The following LTN1 variants were observed in gnomAD, a reference collection of about 807,000 sequenced individuals.
The protein encoded by LTN1 is E3 ubiquitin-protein ligase listerin.
LTN1 carries 88 observed loss-of-function variants against 201.2 expected under a neutral mutation model. The observed-to-expected ratio is 0.44, with a 90% CI of 0.37 to 0.52. LTN1 has a LOEUF of 0.52. Among genes scored for constraint, LTN1 ranks in the 20% least tolerant of loss-of-function variants. The pLI is 0.00. For missense variants in LTN1, 1,752 were observed against 2,038.7 expected, an observed-to-expected ratio of 0.86 and a Z score of 2.71; for synonymous variants, 645 against 713.5, an observed-to-expected ratio of 0.90 and a Z score of 1.53.
Position 28,970,715 on chromosome 21 carries a change from T to G in LTN1, c.1012A>C (p.Lys338Gln). 1 of 1,613,888 alleles carries G rather than the reference T, an allele frequency of 6.2e-7. No individual in the cohort carries two copies. The highest frequency in any genetic ancestry group is 8.5e-7 in the Non-Finnish European group (1 of 1,179,898). Residue 338 changes from lysine (K) to glutamine (Q), a missense_variant, in exon 8 of 30, where the codon AAG becomes CAG. This residue lies in a region of LTN1 where 1,211 missense variants were observed against 1,312.8 expected (regional missense o/e 0.92). Coordinates refer to ENST00000361371, the MANE Select transcript of LTN1 (RefSeq NM_015565.3). The stretch of plus-strand genomic sequence containing the variant: ...GTTGATAGCTTGGGAAACACACTCT[T>G]TTTTGCATTTACATGAAGCCAACAG... ...EDCWLHVNAK[K>Q]SVFPKLSTVI... is the part of the protein sequence containing the mutation.
Position 28,986,022 on chromosome 21 carries a change from T to C in LTN1, c.345+117A>G, listed in dbSNP as rs2084695722. The C allele has an allele frequency of 3.1e-6, 2 of 644,126 alleles. No homozygotes were observed. The highest frequency in any genetic ancestry group is 1.8e-5 in the South Asian group (1 of 55,350). The allele number at this position is 644,126 out of a possible 1,614,324, so 39.9% of individuals were successfully genotyped here. A position where few individuals can be genotyped will look rare whatever the true frequency, so the allele number is the denominator to read the frequency against. ...GTTAACAATTCAATCTGCATAACAA[T>C]GCTGACATAACATTTAATAACCCTC... On this transcript the variant is annotated intron_variant, in intron 3 of 29. Coordinates refer to ENST00000361371, the MANE Select transcript of LTN1 (RefSeq NM_015565.3). The surrounding 1 kb of genome is among the most constrained non-coding windows in gnomAD (Gnocchi z 4.1).
At chr21:28,973,561 C>T (rs1311410698) in intron 6 of LTN1, among the ~76,000 whole-genome samples, 1 of 151,860 alleles carries the variant, frequency 6.6e-6, no homozygotes, top group African/African-American at 2.4e-5. Context: ...AAAGACATGA[C>T]ATTTATAAAG....
chr21:28,964,650 T>C, intron 11 of LTN1: 1 of 1,550,444 alleles, frequency 6.4e-7, no homozygotes, highest in Non-Finnish European at 8.7e-7. Flanking sequence ...ATGAGGAGGC[T>C]AGTGAGTCAT....
chr21:28,977,868 C>A (rs1041449442), intron 6 of LTN1, among the ~76,000 whole-genome samples: 1 of 151,500 alleles, frequency 6.6e-6, no homozygotes, highest in South Asian at 2.1e-4. Flanking sequence ...GTAGAGGTTG[C>A]AGTGAGCTGA....
At chr21:28,976,170 T>C (rs1056200072) in intron 6 of LTN1, among the ~76,000 whole-genome samples, 5 of 152,082 alleles carry the variant, frequency 3.3e-5, no homozygotes, top group Admixed American at 6.6e-5. Context: ...TAAGTATATA[T>C]ACATGTAGAC....
chr21:28,957,142 C>T (rs1601185318), intron 15 of LTN1, among the ~76,000 whole-genome samples, 190 bp downstream of exon 15: 1 of 152,140 alleles, frequency 6.6e-6, no homozygotes, highest in Admixed American at 6.5e-5. Context: ...AGTCTTTGTA[C>T]CATGCCCACT....
intron 6 of LTN1, among the ~76,000 whole-genome samples, chr21:28,972,465 A>G (rs1281262391): frequency 2.0e-5 from 3 of 148,514 alleles, no homozygotes; most frequent in Non-Finnish European, 3.0e-5. Flanking sequence ...CGGGTTCCTC[A>G]TCTACAGTTG....
At chr21:28,984,653 A>T (rs779616328) in intron 4 of LTN1, 39 bp downstream of exon 4, 9 of 537,322 alleles carry the variant, frequency 1.7e-5, no homozygotes, top group South Asian at 3.9e-5. Context: ...TTAAATACTT[A>T]AAAAAAAAAA....
intron 1 of LTN1, among the ~76,000 whole-genome samples, 186 bp from the exon 2 acceptor site, chr21:28,987,120 A>C (rs1209598890): frequency 1.3e-5 from 2 of 152,224 alleles, no homozygotes; most frequent in South Asian, 2.1e-4. Context: ...GAATCCATCA[A>C]TACTGATCCT....
At chr21:28,962,013 CA>C (rs140640474) in intron 11 of LTN1, among the ~76,000 whole-genome samples, 5 of 145,682 alleles carry the variant, frequency 3.4e-5, no homozygotes, top group Non-Finnish European at 6.1e-5. Flanking sequence ...GCCTCTGTCT[CA>C]AAAAAAAAAG....
chr21:28,968,916 T>G (rs983895290), intron 9 of LTN1, among the ~76,000 whole-genome samples: 3 of 145,872 alleles, frequency 2.1e-5, no homozygotes, highest in Non-Finnish European at 4.5e-5. Context: ...CTGCACTACA[T>G]CTTTCTAAAA....
chr21:28,972,684 T>C (rs548786683), intron 6 of LTN1, among the ~76,000 whole-genome samples: 1 of 152,222 alleles, frequency 6.6e-6, no homozygotes, highest in East Asian at 1.9e-4. Context: ...ACATAGGGGA[T>C]AAAGTGAGGC....
At position 28,946,193 on chromosome 21, in the gene LTN1, T is replaced by A; in HGVS notation, c.3582A>T (p.Ile1194=). The A allele has an allele frequency of 6.3e-7, 1 of 1,588,758 alleles. No homozygotes were observed. Among genetic ancestry groups the A allele is most frequent in the Middle Eastern group, 1.7e-4 (1 of 5,986 alleles). Residue 1194 remains isoleucine (I), a synonymous_variant, in exon 20 of 30, where the codon ATA becomes ATT. Coordinates refer to ENST00000361371, the MANE Select transcript of LTN1 (RefSeq NM_015565.3). ...TATCTTCATGCTCTTTCTTCCAGGATATTATGATTTTTAATATTCCATGTA... is the reference window on the plus strand; with the variant it reads ...TATCTTCATGCTCTTTCTTCCAGGAAATTATGATTTTTAATATTCCATGTA... The part of the protein sequence containing the change: ...ELLHGILKII[I]SWKKEHEDIF...
At position 28,928,435 on chromosome 21, in the gene LTN1, A is replaced by G. The variant is rs1460495913; in HGVS notation, c.*2013T>C. ...TCAAAAATAAATTTTAAAATTTGCA[A>G]TTTACTTTGGGGTTTTAAATTAATA... On this transcript the variant is annotated 3_prime_UTR_variant, in exon 30 of 30. Coordinates refer to ENST00000361371, the MANE Select transcript of LTN1 (RefSeq NM_015565.3). 1.3e-5 allele frequency: 2 copies of G among 152,332 alleles called. No individual in the cohort carries two copies. Among genetic ancestry groups the G allele is most frequent in the Admixed American group, 6.5e-5 (1 of 15,294 alleles). 9.4% of individuals were successfully genotyped at this position (152,332 alleles called of 1,614,324 possible).
chr21:28,977,615 C>T (rs957802441), intron 6 of LTN1, among the ~76,000 whole-genome samples: 1 of 151,932 alleles, frequency 6.6e-6, no homozygotes, highest in South Asian at 2.1e-4. Flanking sequence ...CCCAGCTACT[C>T]GGGAGGCTGA....
At chr21:28,992,182 A>G (rs2084751626) in intron 1 of LTN1, among the ~76,000 whole-genome samples, 1 of 152,218 alleles carries the variant, frequency 6.6e-6, no homozygotes, top group Admixed American at 6.6e-5. Context: ...ACCTAACTGA[A>G]GAGCGTTGGG....
intron 25 of LTN1, 115 bp from the exon 26 acceptor site, chr21:28,936,812 C>G (rs991340915): frequency 9.7e-6 from 7 of 721,330 alleles, no homozygotes; most frequent in African/African-American, 8.8e-5. Context: ...GACATTCTAT[C>G]CCCTCATTAT....
chr21:28,948,123 CA>C (rs1203078938), intron 18 of LTN1, among the ~76,000 whole-genome samples: 1 of 119,040 alleles, frequency 8.4e-6, no homozygotes, highest in Non-Finnish European at 1.7e-5. Flanking sequence ...CCCTGGGAGG[CA>C]AAGGTTCCAG....
chr21:28,945,704 A>ATTTAAATTAT, intron 21 of LTN1, 103 bp downstream of exon 21: 1 of 1,047,260 alleles, frequency 9.5e-7, no homozygotes, highest in Non-Finnish European at 1.4e-6. Context: ...ATACAAAGGA[A>ATTTAAATTAT]CCAATTACAA....
Sources: allele counts gnomAD v4.1 joint callset (sites outside exome capture counted in the v4.1 genomes callset), GRCh38; gene constraint gnomAD v4.1.1; regional missense constraint gnomAD v4.1.1; non-coding constraint Gnocchi (gnomAD v3.1); transcripts MANE v1.5; gene names NCBI Gene and HGNC (gene_info 2026-07-23, HGNC 2026-07-21).